Variants in KDM2B observed in about 807,000 individuals in gnomAD.
The protein encoded by KDM2B is lysine-specific demethylase 2B.
In KDM2B, 26 loss-of-function variants were observed where a neutral mutation model predicts 150.0. That is an observed-to-expected ratio of 0.17 (90% CI 0.13 to 0.24). The LOEUF (loss-of-function observed/expected upper bound fraction) is 0.24. Ranked by LOEUF, KDM2B falls within the 10% of genes least tolerant of loss-of-function variation. The probability of loss-of-function intolerance (pLI) is 1.00; values close to 1 mark genes in which losing one functional copy is unlikely to be tolerated. For missense variants in KDM2B, 1,265 were observed against 1,816.9 expected, an observed-to-expected ratio of 0.70 and a Z score of 5.52; for synonymous variants, 734 against 729.5, an observed-to-expected ratio of 1.01 and a Z score of -0.10.
rs142145780 is a variant in KDM2B, at chr12:121,433,989, A to T, written c.3830-3520T>A. On this transcript the variant is annotated intron_variant, in intron 22 of 22. Transcript: ENST00000377071. Reference sequence around the variant, plus strand: ...AGCCTAGGAGTTCAAGACCAGCCTGAGCAACATAGCAAAAGCCTGTCTCTA... The same window carrying T: ...AGCCTAGGAGTTCAAGACCAGCCTGTGCAACATAGCAAAAGCCTGTCTCTA... Among the ~76,000 whole-genome samples, 689 of 151,042 alleles carry T rather than the reference A, an allele frequency of 4.6e-3. 3 individuals are homozygous for T. Among genetic ancestry groups the T allele is most frequent in the African/African-American group, 0.015 (617 of 41,096 alleles).
intron 6 of KDM2B, among the ~76,000 whole-genome samples, chr12:121,546,670 T>G (rs1368891990): frequency 6.6e-6 from 1 of 151,210 alleles, no homozygotes; most frequent in Non-Finnish European, 1.5e-5. Context: ...CCCAAAGTGC[T>G]GGGATTACAG....
rs1284913015 is a variant in KDM2B at position 121,452,550 on chromosome 12, G to C, written c.1959+570C>G. Among the ~76,000 whole-genome samples, 19 of 152,240 alleles carry C rather than the reference G, an allele frequency of 1.2e-4. No individual in the cohort carries two copies. Among genetic ancestry groups the C allele is most frequent in the South Asian group, 2.1e-4 (1 of 4,828 alleles). On this transcript the variant is annotated intron_variant, in intron 13 of 22. Transcript: ENST00000377071. The surrounding 1 kb of genome is among the most constrained non-coding windows in gnomAD (Gnocchi z 4.4). ...CGCCCTGAGGAAGGCAGAGCATGTGGGTGTGTACAAGGGAATTCAAGGGCA... is the reference window on the plus strand; with the variant it reads ...CGCCCTGAGGAAGGCAGAGCATGTGCGTGTGTACAAGGGAATTCAAGGGCA...
chr12:121,426,525 C>A (rs1313733247), downstream of KDM2B, among the ~76,000 whole-genome samples: 2 of 146,280 alleles, frequency 1.4e-5, no homozygotes, highest in Non-Finnish European at 3.0e-5. Context: ...TAGCTCACTA[C>A]AGTCTTAACT....
chr12:121,532,410 A>C (rs547035566), intron 8 of KDM2B, among the ~76,000 whole-genome samples: 126 of 152,322 alleles, frequency 8.3e-4, no homozygotes, highest in Non-Finnish European at 1.6e-3. Context: ...GAATAGAGGC[A>C]CGAAGAAGTG....
intron 4 of KDM2B, among the ~76,000 whole-genome samples, chr12:121,565,722 T>C (rs1555314758): frequency 6.6e-6 from 1 of 151,726 alleles, no homozygotes; most frequent in Non-Finnish European, 1.5e-5. Context: ...CCCCACCGGG[T>C]TCAAGCAATT....
At chr12:121,561,492 C>T (rs987784263) in intron 4 of KDM2B, among the ~76,000 whole-genome samples, 52 of 152,276 alleles carry the variant, frequency 3.4e-4, no homozygotes, top group African/African-American at 1.3e-3. Context: ...CCTCAGCCTC[C>T]CAAAGTGCTG....
chr12:121,575,759 G>C lies in KDM2B; in HGVS notation c.350+22C>G, dbSNP rs1555316777. ...GTTAGGGAGGAAGACGGGGGAAGGA[G>C]TGATTAGTTTCAGCAACTTACTTAA... On this transcript the variant is annotated intron_variant, in intron 3 of 22. Coordinates refer to ENST00000377071, the MANE Select transcript of KDM2B (RefSeq NM_032590.5). This position sits in a 1 kb window ranked among gnomAD's most constrained non-coding sequence, Gnocchi z 4.4. 2 of 1,538,218 alleles carry C rather than the reference G, an allele frequency of 1.3e-6. No homozygotes were observed. The highest frequency in any genetic ancestry group is 1.8e-6 in the Non-Finnish European group (2 of 1,110,816).
intron 22 of KDM2B, among the ~76,000 whole-genome samples, chr12:121,431,295 C>CTTTTTTTTTTTT (rs71453557): frequency 1.0e-5 from 1 of 98,940 alleles, no homozygotes; most frequent in Non-Finnish European, 1.9e-5. Flanking sequence ...CCATGTGCAA[C>CTTTTTTTTTTTT]TTTTTTTTTT....
At chr12:121,471,482 A>G (rs1360842979) in intron 12 of KDM2B, among the ~76,000 whole-genome samples, 1 of 152,162 alleles carries the variant, frequency 6.6e-6, no homozygotes, top group Middle Eastern at 3.2e-3. Context: ...CCTGGCTGCT[A>G]AGAGGTTTTG....
Position 121,513,759 on chromosome 12 carries a change from T to C in KDM2B, c.1048-357A>G, listed in dbSNP as rs1885793685. Among the ~76,000 whole-genome samples, 1 of 152,112 alleles carries C rather than the reference T, an allele frequency of 6.6e-6. No homozygotes were observed. The highest frequency in any genetic ancestry group is 2.4e-5 in the African/African-American group (1 of 41,420). On this transcript the variant is annotated intron_variant, in intron 9 of 22. Coordinates refer to ENST00000377071, the MANE Select transcript of KDM2B (RefSeq NM_032590.5). The surrounding 1 kb of genome is among the most constrained non-coding windows in gnomAD (Gnocchi z 5.0). ...CTGCAGGTGGGAGCCGCTGCCTGAT[T>C]CTAGCTACAACAGACATAGGTTCCT... is the stretch of plus-strand genomic sequence containing the variant.
At position 121,442,582 on chromosome 12, in the gene KDM2B, C is replaced by T. The variant is rs782046217; in HGVS notation, c.2859G>A (p.Glu953=). ...NKELSRELSK[E]LNHEIQRTEN... is the part of the protein sequence containing the mutation. ...CCGTCCTCTGGATCTCGTGGTTGAGCTCCTTGCTCAGCTCCCTGCTCAGCT... is the reference window on the plus strand; with the variant it reads ...CCGTCCTCTGGATCTCGTGGTTGAGTTCCTTGCTCAGCTCCCTGCTCAGCT... Residue 953 remains glutamate, a synonymous_variant, in exon 19 of 23, where the codon GAG becomes GAA. Transcript: ENST00000377071. This position sits in a 1 kb window ranked among gnomAD's most constrained non-coding sequence, Gnocchi z 7.7. 1.2e-5 allele frequency: 20 copies of T among 1,601,410 alleles called. No homozygotes were observed. Among genetic ancestry groups the T allele is most frequent in the Non-Finnish European group, 1.6e-5 (19 of 1,179,808 alleles).
At chr12:121,578,654 A>AC (rs1188360584) in intron 2 of KDM2B, 148 bp downstream of exon 2, 20 of 52,334 alleles carry the variant, frequency 3.8e-4, no homozygotes, top group African/African-American at 1.1e-3. Context: ...ACCCCACCCC[A>AC]CCCCCCCAGT....
intron 8 of KDM2B, among the ~76,000 whole-genome samples, chr12:121,530,554 A>C (rs1887582315): frequency 1.6e-5 from 2 of 121,994 alleles, no homozygotes; most frequent in African/African-American, 3.2e-5. Flanking sequence ...CCTGTATCTC[A>C]GAGGGTGGCA....
intron 12 of KDM2B, among the ~76,000 whole-genome samples, chr12:121,458,322 G>T (rs1184347916): frequency 6.6e-6 from 1 of 152,134 alleles, no homozygotes; most frequent in Admixed American, 6.6e-5. Context: ...GTTGCACTGA[G>T]CTGAGATCAA....
chr12:121,554,102 T>C (rs1250536891), intron 4 of KDM2B, among the ~76,000 whole-genome samples: 4 of 143,718 alleles, frequency 2.8e-5, no homozygotes, highest in Non-Finnish European at 6.0e-5. Context: ...CCAAGCATGG[T>C]GACCCACACC....
chr12:121,422,855 G>A, the KDM2B span, among the ~76,000 whole-genome samples: 1 of 152,216 alleles, frequency 6.6e-6, no homozygotes, highest in Non-Finnish European at 1.5e-5. Context: ...GAACACAGAT[G>A]GCTTGAGATG....
chr12:121,439,254 T>C (rs1163311950), intron 22 of KDM2B, among the ~76,000 whole-genome samples: 2 of 152,072 alleles, frequency 1.3e-5, no homozygotes, highest in African/African-American at 4.8e-5. Context: ...AGGCACCGGC[T>C]CTTCTGCACC....
chr12:121,576,973 G>A (rs948559957), intron 2 of KDM2B, among the ~76,000 whole-genome samples: 4 of 152,180 alleles, frequency 2.6e-5, no homozygotes, highest in African/African-American at 9.7e-5. Context: ...CAGCAGCTCA[G>A]ATCCCCAGGG....
intron 13 of KDM2B, among the ~76,000 whole-genome samples, chr12:121,446,493 T>C (rs1166766082): frequency 6.6e-6 from 1 of 152,248 alleles, no homozygotes; most frequent in Non-Finnish European, 1.5e-5. Context: ...CCTTTTCATG[T>C]GCTTTGTGAC....
Sources: allele counts gnomAD v4.1 joint callset (sites outside exome capture counted in the v4.1 genomes callset), GRCh38; gene constraint gnomAD v4.1.1; non-coding constraint Gnocchi (gnomAD v3.1); transcripts MANE v1.5; gene names NCBI Gene and HGNC (gene_info 2026-07-23, HGNC 2026-07-21).